The following TECPR2 variants were observed in gnomAD, a reference collection of about 807,000 sequenced individuals.
TECPR2 encodes the protein tectonin beta-propeller repeat containing 2, also known as tectonin beta-propeller repeat-containing protein 2.
In TECPR2, 65 loss-of-function variants were observed where a neutral mutation model predicts 138.1. The observed-to-expected ratio is 0.47, with a 90% confidence interval of 0.39 to 0.58. TECPR2 has a LOEUF of 0.58. TECPR2 is among the 20% of genes least tolerant of loss of function. The pLI, the probability that TECPR2 is intolerant of heterozygous loss-of-function variation, is 0.00. For missense variants in TECPR2, 1,553 were observed against 1,824.5 expected, an observed-to-expected ratio of 0.85 and a Z score of 2.71; for synonymous variants, 746 against 749.8, an observed-to-expected ratio of 0.99 and a Z score of 0.08.
At position 102,408,493 on chromosome 14, in the gene TECPR2, G is replaced by A. The variant is rs1302519830; in HGVS notation, c.354G>A (p.Arg118=). Residue 118 remains arginine, a synonymous_variant, in exon 4 of 20, where the codon CGG becomes CGA. Transcript: ENST00000359520. ...SSLPGRNKQL[R]RFDVTGIHKN... is the part of the protein sequence containing the mutation. ...TTTTTATCCCTTGTTCATAGCTTCGGAGATTTGATGTCACTGGTATTCACA... is the reference window on the plus strand; with the variant it reads ...TTTTTATCCCTTGTTCATAGCTTCGAAGATTTGATGTCACTGGTATTCACA... 4 of 1,599,300 alleles carry A rather than the reference G, an allele frequency of 2.5e-6. No homozygotes were observed. The highest frequency in any genetic ancestry group is 2.6e-6 in the Non-Finnish European group (3 of 1,176,172).
chr14:102,452,516 T>G lies in TECPR2; in HGVS notation c.3529T>G (p.Cys1177Gly). ...AGCCGAGATGCGCGCCTATGCCGCC[T>G]GCCAGGATGCGCTGTGGGCGCTGGA... is the stretch of plus-strand genomic sequence containing the variant. ...PEAEMRAYAA[C>G]QDALWALDSL... The change falls in exon 16 of 20, where the codon TGC becomes GGC. Residue 1177 changes from cysteine (C) to glycine (G), a missense_variant. Coordinates refer to ENST00000359520, the MANE Select transcript of TECPR2 (RefSeq NM_014844.5). 1 of 1,612,726 alleles carries G rather than the reference T, an allele frequency of 6.2e-7. No individual in the cohort carries two copies. The highest frequency in any genetic ancestry group is 8.5e-7 in the Non-Finnish European group (1 of 1,179,764).
chr14:102,404,407 TC>T (rs1438339005), intron 2 of TECPR2, among the ~76,000 whole-genome samples: 1 of 151,992 alleles, frequency 6.6e-6, no homozygotes, highest in African/African-American at 2.4e-5. Flanking sequence ...ATCTCAAACT[TC>T]CTGAACTTAA....
At chr14:102,422,999 A>C (rs557102105) in intron 5 of TECPR2, among the ~76,000 whole-genome samples, 1 of 152,324 alleles carries the variant, frequency 6.6e-6, no homozygotes, top group East Asian at 1.9e-4. Context: ...TTTTAGATAG[A>C]CAAACAGTCA....
In TECPR2 at chr14:102,458,945, TA is replaced by T. The variant is rs894474077; in HGVS notation, c.3641-6182del. On this transcript the variant is annotated intron_variant, in intron 16 of 19. Coordinates refer to ENST00000359520, the MANE Select transcript of TECPR2 (RefSeq NM_014844.5). ...GGCAACAGAGCAAGCTCCTGTTTCT[TA>T]AAAAAAAAAAAAATACACACATATA... is the stretch of plus-strand genomic sequence containing the variant. Among the ~76,000 whole-genome samples, 832 of 115,832 alleles carry T rather than the reference TA, an allele frequency of 7.2e-3. 5 individuals carry two copies. The highest frequency in any genetic ancestry group is 0.021 in the African/African-American group (613 of 29,576). The allele number at this position is 115,832 out of a possible 152,430, so 76.0% of individuals were successfully genotyped here.
In TECPR2 at chr14:102,419,322, G is replaced by A. The variant is rs1263523670; in HGVS notation, c.638+4529G>A. Among the ~76,000 whole-genome samples, 1 of 152,184 alleles carries A rather than the reference G, an allele frequency of 6.6e-6. No individual in the cohort carries two copies. The highest frequency in any genetic ancestry group is 1.5e-5 in the Non-Finnish European group (1 of 68,036). ...AAGGGCTGAAAGAGGAGTTGACGGC[G>A]AGTATGGAGAGCTTTTAGGAGGAGT... is the stretch of plus-strand genomic sequence containing the variant. On this transcript the variant is annotated intron_variant, in intron 5 of 19. Coordinates refer to ENST00000359520, the MANE Select transcript of TECPR2 (RefSeq NM_014844.5). This position sits in a 1 kb window ranked among gnomAD's most constrained non-coding sequence, Gnocchi z 4.8.
At chr14:102,457,483 A>T (rs1225180459) in intron 16 of TECPR2, among the ~76,000 whole-genome samples, 3 of 152,232 alleles carry the variant, frequency 2.0e-5, no homozygotes, top group Non-Finnish European at 4.4e-5. Context: ...GGCGGCTGTC[A>T]TCAGGTGGCA....
intron 2 of TECPR2, among the ~76,000 whole-genome samples, chr14:102,404,579 A>AT (rs11410430): frequency 0.27 from 39,799 of 145,748 alleles, 5,822 homozygotes; most frequent in East Asian, 0.47. Flanking sequence ...GTCAAGTGAA[A>AT]TTTTTTTTTT....
At chr14:102,441,515 A>G (rs889967296) in intron 11 of TECPR2, among the ~76,000 whole-genome samples, 5 of 136,906 alleles carry the variant, frequency 3.7e-5, no homozygotes, top group African/African-American at 1.1e-4. Flanking sequence ...TGTCTCTACT[A>G]AAAAAAAAAA....
intron 5 of TECPR2, among the ~76,000 whole-genome samples, chr14:102,418,492 C>G (rs1329910110): frequency 1.3e-5 from 2 of 152,172 alleles, no homozygotes; most frequent in Non-Finnish European, 1.5e-5. Flanking sequence ...GCAACTAGTG[C>G]GAGAAGACCT....
intron 7 of TECPR2, among the ~76,000 whole-genome samples, chr14:102,430,782 G>A (rs1889450836): frequency 6.6e-6 from 1 of 152,196 alleles, no homozygotes; most frequent in Admixed American, 6.5e-5. Flanking sequence ...TTGATGCTGT[G>A]TGGTAATGGA....
At chr14:102,410,621 T>G (rs1888816730) in intron 4 of TECPR2, among the ~76,000 whole-genome samples, 1 of 151,948 alleles carries the variant, frequency 6.6e-6, no homozygotes, top group South Asian at 2.1e-4. Flanking sequence ...TACAGCCCAT[T>G]TGAGCTCCTG....
Position 102,500,830 on chromosome 14 carries a change from A to G in TECPR2, c.*2573A>G, listed in dbSNP as rs1891420927. 6.6e-6 allele frequency: 1 copy of G among 152,266 alleles called. No individual in the cohort carries two copies. Among genetic ancestry groups the G allele is most frequent in the African/African-American group, 2.4e-5 (1 of 41,456 alleles). 9.4% of individuals were successfully genotyped at this position (152,266 alleles called of 1,614,324 possible). On this transcript the variant is annotated 3_prime_UTR_variant, in exon 20 of 20. Transcript: ENST00000359520. ...AGGGAGGAATAATGTTAGTACCCAC[A>G]AATGCCCATGACTGTGCCCAATGTG...
At chr14:102,449,477 A>G in intron 13 of TECPR2, 152 bp from the exon 14 acceptor site, 2 of 1,284,948 alleles carry the variant, frequency 1.6e-6, no homozygotes, top group South Asian at 2.9e-5. Context: ...TGGTCCTTTC[A>G]CAAGCGCACA....
At chr14:102,386,046 A>G (rs1012009770) in intron 2 of TECPR2, among the ~76,000 whole-genome samples, 18 of 152,092 alleles carry the variant, frequency 1.2e-4, no homozygotes, top group Admixed American at 8.5e-4. Context: ...TAACATTTGG[A>G]AAAAAAATGT....
At position 102,415,264 on chromosome 14, in the gene TECPR2, T is replaced by G. The variant is rs894897874; in HGVS notation, c.638+471T>G. Among the ~76,000 whole-genome samples, 1 of 152,182 alleles carries G rather than the reference T, an allele frequency of 6.6e-6. No homozygotes were observed. Among genetic ancestry groups the G allele is most frequent in the Non-Finnish European group, 1.5e-5 (1 of 68,046 alleles). On this transcript the variant is annotated intron_variant, in intron 5 of 19. Transcript: ENST00000359520. This position sits in a 1 kb window ranked among gnomAD's most constrained non-coding sequence, Gnocchi z 4.3. ...TCCGTTGTGGAAATGGAAACACAGA[T>G]AGAACACTTGTTGACCACTGTGTCA...
At chr14:102,401,792 G>A (rs1305165816) in intron 2 of TECPR2, among the ~76,000 whole-genome samples, 1 of 102,460 alleles carries the variant, frequency 9.8e-6, no homozygotes, top group African/African-American at 4.0e-5. Flanking sequence ...GCAAAAGAGC[G>A]AGACTCCGTC....
chr14:102,451,192 G>A (rs1890132267), intron 15 of TECPR2, among the ~76,000 whole-genome samples: 1 of 152,222 alleles, frequency 6.6e-6, no homozygotes, highest in African/African-American at 2.4e-5. Flanking sequence ...CAGAGGGTGA[G>A]GGAGCTGGCA....
intron 1 of TECPR2, 63 bp downstream of exon 1, chr14:102,363,179 GC>G (rs1028026455): frequency 1.3e-5 from 4 of 311,896 alleles, no homozygotes; most frequent in African/African-American, 4.4e-5. Flanking sequence ...CTGGCCCCGA[GC>G]CCCTCCTCGG....
At position 102,443,602 on chromosome 14, in the gene TECPR2, G is replaced by T; in HGVS notation, c.2753-45G>T. ...TAACCAAGTCAAAATGAGGTGTGGAGTTCTGACTGTGTGTCTTTGGGGCTT... is the reference window on the plus strand; with the variant it reads ...TAACCAAGTCAAAATGAGGTGTGGATTTCTGACTGTGTGTCTTTGGGGCTT... On this transcript the variant is annotated intron_variant, in intron 11 of 19. Transcript: ENST00000359520. The surrounding 1 kb of genome is among the most constrained non-coding windows in gnomAD (Gnocchi z 4.9). 2 of 1,470,950 alleles carry T rather than the reference G, an allele frequency of 1.4e-6. No individual in the cohort carries two copies. Among genetic ancestry groups the T allele is most frequent in the Non-Finnish European group, 1.8e-6 (2 of 1,094,262 alleles). The allele number at this position is 1,470,950 out of a possible 1,614,324, so 91.1% of individuals were successfully genotyped here.
Sources: gnomAD v4.1 joint callset for allele counts (sites outside exome capture counted in the v4.1 genomes callset) on GRCh38, gnomAD v4.1.1 for gene constraint, Gnocchi (gnomAD v3.1) non-coding constraint, MANE v1.5 for transcripts, NCBI Gene and HGNC (gene_info 2026-07-23, HGNC 2026-07-21) for gene names.